WWP1: variants seen among roughly 807,000 people sequenced by gnomAD.
WWP1 encodes the protein NEDD4-like E3 ubiquitin-protein ligase WWP1.
In WWP1, 49 loss-of-function variants were observed where a neutral mutation model predicts 130.6. The observed-to-expected ratio is 0.38, with a 90% CI of 0.30 to 0.48. The LOEUF is 0.48. Among genes scored for constraint, WWP1 ranks in the 20% least tolerant of loss-of-function variants. The probability of loss-of-function intolerance (pLI) is 0.99; values close to 1 mark genes in which losing one functional copy is unlikely to be tolerated. For missense variants in WWP1, 809 were observed against 1,100.6 expected (o/e 0.74, Z 3.75); for synonymous variants, 332 against 367.8 (o/e 0.90, Z 1.11).
chr8:86,395,860 CAG>C (rs1807632175), intron 5 of WWP1, among the ~76,000 whole-genome samples: 1 of 152,062 alleles, frequency 6.6e-6, no homozygotes, highest in South Asian at 2.1e-4. Flanking sequence ...GATGAGAATG[CAG>C]ACATTTACAG....
chr8:86,356,261 A>G (rs1300863911), intron 1 of WWP1, among the ~76,000 whole-genome samples: 1 of 152,096 alleles, frequency 6.6e-6, no homozygotes, highest in African/African-American at 2.4e-5. Flanking sequence ...CCTAGCAAGT[A>G]TATACACATC....
rs2130181636 is a variant in WWP1 at position 86,467,103 on chromosome 8, GATC to G, written c.*214_*216del. ...CCTTGAAATGACTGACCAGGAAAAA[GATC>G]ATCCTTAAATTTTGAAGCAAGTGAG... On this transcript the variant is annotated 3_prime_UTR_variant, in exon 25 of 25. Transcript: ENST00000517970. 4.7e-6 allele frequency: 2 copies of G among 425,044 alleles called. No individual in the cohort carries two copies. Among genetic ancestry groups the G allele is most frequent in the Non-Finnish European group, 8.3e-6 (2 of 242,094 alleles). 26.3% of individuals were successfully genotyped at this position (425,044 alleles called of 1,614,324 possible). A position where few individuals can be genotyped will look rare whatever the true frequency, so the allele number is the denominator to read the frequency against.
Position 86,425,331 on chromosome 8 carries a change from T to C in WWP1, c.1157+13T>C. 1 of 1,571,314 alleles carries C rather than the reference T, an allele frequency of 6.4e-7. No homozygotes were observed. The highest frequency in any genetic ancestry group is 8.7e-7 in the Non-Finnish European group (1 of 1,154,516). The stretch of plus-strand genomic sequence containing the variant: ...CTTTACCTCCAGGGTAATATAGCAC[T>C]CTTTATGCATTTGTAATTATATTTT... On this transcript the variant is annotated intron_variant, in intron 10 of 24. Transcript: ENST00000517970.
At chr8:86,357,950 GTTTCTGTGGGAAAA>G (rs1268210140) in intron 1 of WWP1, among the ~76,000 whole-genome samples, 3 of 152,132 alleles carry the variant, frequency 2.0e-5, no homozygotes, top group African/African-American at 7.2e-5. Context: ...TTGTCACAAT[GTTTCTGTGGGAAAA>G]TTTGTGTTGT....
Position 86,424,225 on chromosome 8 carries a change from G to A in WWP1, c.1062-998G>A, listed in dbSNP as rs193090527. On this transcript the variant is annotated intron_variant, in intron 9 of 24. Transcript: ENST00000517970. The stretch of plus-strand genomic sequence containing the variant: ...CCAGACGGGGCGGCGGGGCAGAGGC[G>A]CTCCCCACATCTCAGACGATGGGCG... 9.7e-3 allele frequency among the ~76,000 whole-genome samples: 1,470 copies of A among 151,016 alleles called. 30 individuals are homozygous for A. Among genetic ancestry groups the A allele is most frequent in the African/African-American group, 0.034 (1,402 of 41,018 alleles).
chr8:86,397,146 C>T (rs1463912270), intron 5 of WWP1, among the ~76,000 whole-genome samples: 2 of 152,108 alleles, frequency 1.3e-5, no homozygotes, highest in East Asian at 3.9e-4. Context: ...ACCTCTCCTC[C>T]CTGCCCAAAT....
At chr8:86,382,501 C>A (rs940487078) in intron 5 of WWP1, among the ~76,000 whole-genome samples, 85 of 152,060 alleles carry the variant, frequency 5.6e-4, no homozygotes, top group African/African-American at 1.9e-3. Flanking sequence ...AAGTTCAAGA[C>A]CAGTCTGACC....
chr8:86,414,954 A>G (rs2130587601), intron 9 of WWP1, among the ~76,000 whole-genome samples: 1 of 146,024 alleles, frequency 6.8e-6, no homozygotes, highest in Non-Finnish European at 1.5e-5. Context: ...GACTGAAATA[A>G]TGATAGAATG....
At chr8:86,393,015 T>A (rs965419438) in intron 5 of WWP1, among the ~76,000 whole-genome samples, 1 of 152,142 alleles carries the variant, frequency 6.6e-6, no homozygotes, top group Non-Finnish European at 1.5e-5. Flanking sequence ...AAATGAGAAG[T>A]TTTATTATCA....
At chr8:86,394,777 TTATGATCCAAAATGTTA>T (rs1362016930) in intron 5 of WWP1, among the ~76,000 whole-genome samples, 1 of 152,068 alleles carries the variant, frequency 6.6e-6, no homozygotes. Context: ...CCTTCCAGTT[TTATGATCCAAAATGTTA>T]TAACTCAATC....
chr8:86,425,163 C>T, intron 9 of WWP1, 60 bp from the exon 10 acceptor site: 1 of 1,386,290 alleles, frequency 7.2e-7, no homozygotes, highest in South Asian at 1.3e-5. Flanking sequence ...AAGGAAGAGT[C>T]ATTTTTAAGA....
intron 8 of WWP1, 59 bp from the exon 9 acceptor site, chr8:86,411,479 A>C: frequency 6.9e-7 from 1 of 1,444,728 alleles, no homozygotes; most frequent in Non-Finnish European, 9.5e-7. Flanking sequence ...TCAATTGATT[A>C]GGTAATTGAT....
intron 1 of WWP1, among the ~76,000 whole-genome samples, chr8:86,348,406 C>T (rs113281380): frequency 0.04 from 6,121 of 151,990 alleles, 178 homozygotes; most frequent in African/African-American, 0.069. Context: ...TTAGTAGAGA[C>T]GGGGTTTCTC....
intron 20 of WWP1, among the ~76,000 whole-genome samples, chr8:86,451,066 T>A (rs1465052471): frequency 1.3e-5 from 2 of 150,218 alleles, no homozygotes; most frequent in East Asian, 1.9e-4. Flanking sequence ...AATAAATAAA[T>A]AAATAAAATT....
intron 1 of WWP1, among the ~76,000 whole-genome samples, chr8:86,368,609 A>G (rs1165861497): frequency 1.3e-5 from 2 of 152,176 alleles, no homozygotes; most frequent in Non-Finnish European, 2.9e-5. Flanking sequence ...AGTACTATGC[A>G]TGGTATATTT....
Position 86,345,731 on chromosome 8 carries a change from A to G in WWP1, c.-115+2801A>G, listed in dbSNP as rs1822539716. ...GGGCCTACTGGGAGCTTTTTAAAAC[A>G]GTAGAACCTTCAGGTTCTTCTGTGT... On this transcript the variant is annotated intron_variant, in intron 1 of 24. Transcript: ENST00000517970. 2.6e-5 allele frequency among the ~76,000 whole-genome samples: 4 copies of G among 152,148 alleles called. 1 individual carries two copies. The highest frequency in any genetic ancestry group is 1.3e-4 in the Admixed American group (2 of 15,276).
intron 9 of WWP1, among the ~76,000 whole-genome samples, chr8:86,412,278 C>T (rs1322735819): frequency 6.6e-6 from 1 of 152,190 alleles, no homozygotes; most frequent in African/African-American, 2.4e-5. Flanking sequence ...ATATTGAGTG[C>T]TGGGGAGTCA....
In WWP1 at chr8:86,344,001, C is replaced by T. The variant is rs75946878; in HGVS notation, c.-115+1071C>T. Among the ~76,000 whole-genome samples the T allele has an allele frequency of 9.0e-3, 1,364 of 151,968 alleles. 14 individuals are homozygous for T. Among genetic ancestry groups the T allele is most frequent in the Non-Finnish European group, 0.015 (1,048 of 67,958 alleles). ...AAGAGTTCATGTTTATGTGTAAATC[C>T]ACTTTACCTGCCTCACCAAATCTGT... On this transcript the variant is annotated intron_variant, in intron 1 of 24. Coordinates refer to ENST00000517970, the MANE Select transcript of WWP1 (RefSeq NM_007013.4).
intron 2 of WWP1, among the ~76,000 whole-genome samples, chr8:86,373,016 T>C (rs1298194755): frequency 6.6e-6 from 1 of 151,850 alleles, no homozygotes; most frequent in Non-Finnish European, 1.5e-5. Context: ...CCTCTAAGTA[T>C]AACTTTTCCC....
Sources: allele counts gnomAD v4.1 joint callset (sites outside exome capture counted in the v4.1 genomes callset), GRCh38; gene constraint gnomAD v4.1.1; transcripts MANE v1.5; gene names NCBI Gene and HGNC (gene_info 2026-07-23, HGNC 2026-07-21).